The following MYCBP2 variants were observed in gnomAD, a reference collection of about 807,000 sequenced individuals.
The protein encoded by MYCBP2 is E3 ubiquitin-protein ligase MYCBP2.
Under a neutral mutation model 525.3 loss-of-function variants are expected in MYCBP2, and 120 were observed. The ratio of observed to expected loss-of-function variants is 0.23; its 90% CI spans 0.20 to 0.27. The LOEUF is 0.27. Among genes scored for constraint, MYCBP2 ranks in the 10% least tolerant of loss-of-function variants. The probability of loss-of-function intolerance (pLI) is 1.00; values close to 1 mark genes in which losing one functional copy is unlikely to be tolerated. For missense variants in MYCBP2, 4,149 were observed against 5,657.1 expected (o/e 0.73, Z 8.55); for synonymous variants, 1,894 against 1,955.8 (o/e 0.97, Z 0.83).
At chr13:77,161,014 ACT>A (rs1249356368) in intron 44 of MYCBP2, among the ~76,000 whole-genome samples, 1 of 152,104 alleles carries the variant, frequency 6.6e-6, no homozygotes, top group Non-Finnish European at 1.5e-5. Flanking sequence ...CAGTTGAGAG[ACT>A]CTCAACTTTT....
rs1276867501 is a variant in MYCBP2, at chr13:77,211,234, C to G, written c.3349G>C (p.Asp1117His). The change falls in exon 23 of 83, where the codon GAC becomes CAC. Residue 1117 changes from aspartate to histidine, a missense_variant. Physicochemically the swap from Asp to His is moderately conservative, Grantham distance 81 (BLOSUM62 -1). Around this residue, in one of 21 missense-constraint regions of MYCBP2, gnomAD observed 620 missense variants for 795.5 expected, o/e 0.78. Transcript: ENST00000544440. The part of the protein sequence containing the change: ...KVDGSCKTFN[D>H]SEQEDLQGFG... ...CCTTGCAGATCCTCTTGTTCTGAGT[C>G]ATTAAAAGTTTTACAACTCCCATCC... 6.4e-7 allele frequency: 1 copy of G among 1,552,168 alleles called. No homozygotes were observed. Among genetic ancestry groups the G allele is most frequent in the South Asian group, 1.2e-5 (1 of 81,130 alleles).
At chr13:77,214,376 A>T (rs532789371) in intron 21 of MYCBP2, among the ~76,000 whole-genome samples, 1 of 152,262 alleles carries the variant, frequency 6.6e-6, no homozygotes, top group African/African-American at 2.4e-5. Context: ...ATTGGAAACC[A>T]CGTAAATATA....
At chr13:77,121,948 T>C (rs2050779067) in intron 54 of MYCBP2, among the ~76,000 whole-genome samples, 1 of 152,112 alleles carries the variant, frequency 6.6e-6, no homozygotes. Flanking sequence ...TTTCATTTGT[T>C]AACTGTTCTA....
In MYCBP2 at chr13:77,288,327, C is replaced by A; in HGVS notation, c.428G>T (p.Ser143Ile). The change falls in exon 3 of 83, where the codon AGC becomes ATC. Residue 143 changes from serine (S) to isoleucine (I), a missense_variant. Around this residue, in one of 21 missense-constraint regions of MYCBP2, gnomAD observed 413 missense variants for 451.2 expected, o/e 0.92. Coordinates refer to ENST00000544440, the MANE Select transcript of MYCBP2 (RefSeq NM_015057.5). ...TVIIPDIKLHSNPSAFNIYCN... is the reference protein window; with the variant it reads ...TVIIPDIKLHINPSAFNIYCN... ...GTAAATATTGAAAGCAGAAGGATTG[C>A]TATGTAGTTTGATATCTGGTATGAT... 6.2e-7 allele frequency: 1 copy of A among 1,614,072 alleles called. No homozygotes were observed. The highest frequency in any genetic ancestry group is 8.5e-7 in the Non-Finnish European group (1 of 1,179,968).
In MYCBP2 at chr13:77,066,184, G is replaced by T. The variant is rs147575241; in HGVS notation, c.12456-96C>A. ...TGTTATTTCAGAATGCAGCATTTTA[G>T]ATTTTTAAGTGACTGAATCAATTAA... On this transcript the variant is annotated intron_variant, in intron 71 of 82. Transcript: ENST00000544440. 1,783 of 837,016 alleles carry T rather than the reference G, an allele frequency of 2.1e-3. 6 individuals carry two copies. The highest frequency in any genetic ancestry group is 0.012 in the Middle Eastern group (42 of 3,512). The allele number at this position is 837,016 out of a possible 1,614,324, so 51.8% of individuals were successfully genotyped here.
chr13:77,313,714 C>T (rs2080552627), intron 1 of MYCBP2, among the ~76,000 whole-genome samples: 1 of 152,042 alleles, frequency 6.6e-6, no homozygotes, highest in Non-Finnish European at 1.5e-5. Flanking sequence ...AAAGACACAT[C>T]TGATAAAGGA....
intron 68 of MYCBP2, among the ~76,000 whole-genome samples, chr13:77,074,330 G>A (rs1035553196): frequency 3.9e-5 from 6 of 151,988 alleles, no homozygotes; most frequent in African/African-American, 1.2e-4. Context: ...AATGTATACA[G>A]TTCTAAAGAA....
rs182982988 is a variant in MYCBP2, at chr13:77,225,105, C to T, written c.2857+330G>A. On this transcript the variant is annotated intron_variant, in intron 19 of 82. Coordinates refer to ENST00000544440, the MANE Select transcript of MYCBP2 (RefSeq NM_015057.5). ...ACATACATTTATCACTGAACATTAACAAAATATGGGAACATGTTACAAAAA... is the reference window on the plus strand; with the variant it reads ...ACATACATTTATCACTGAACATTAATAAAATATGGGAACATGTTACAAAAA... 1.6e-3 allele frequency among the ~76,000 whole-genome samples: 236 copies of T among 152,160 alleles called. 1 individual carries two copies. Among genetic ancestry groups the T allele is most frequent in the African/African-American group, 5.5e-3 (227 of 41,530 alleles).
intron 46 of MYCBP2, among the ~76,000 whole-genome samples, chr13:77,155,514 C>T (rs1397575747): frequency 1.3e-5 from 2 of 152,032 alleles, no homozygotes; most frequent in Non-Finnish European, 2.9e-5. Context: ...GTATAATATG[C>T]TCTGAAACAT....
At chr13:77,125,196 C>T (rs959583893) in intron 54 of MYCBP2, 140 bp downstream of exon 54, 20 of 1,049,062 alleles carry the variant, frequency 1.9e-5, no homozygotes, top group Non-Finnish European at 2.7e-5. Flanking sequence ...TTAACAGTTG[C>T]AAGATTTTTT....
rs547891211 is a variant in MYCBP2 at position 77,214,387 on chromosome 13, T to C, written c.3058-2227A>G. On this transcript the variant is annotated intron_variant, in intron 21 of 82. Transcript: ENST00000544440. The stretch of plus-strand genomic sequence containing the variant: ...AAGTATTGGAAACCACGTAAATATA[T>C]AAACATGAGAAACTGAATGAATAAA... 1.6e-4 allele frequency among the ~76,000 whole-genome samples: 24 copies of C among 151,950 alleles called. 1 individual carries two copies. The South Asian group carries it at 2.7e-3, about 17-fold the overall frequency.
intron 15 of MYCBP2, among the ~76,000 whole-genome samples, chr13:77,250,212 G>A (rs1168054640): frequency 7.8e-6 from 1 of 128,144 alleles, no homozygotes; most frequent in Non-Finnish European, 1.7e-5. Flanking sequence ...GACAGAGCGA[G>A]ACTCCGTCTC....
intron 74 of MYCBP2, 127 bp downstream of exon 74, chr13:77,062,469 C>T: frequency 1.3e-6 from 1 of 777,048 alleles, no homozygotes; most frequent in East Asian, 2.7e-5. Context: ...CGAAGGGACA[C>T]AATCTTTCAA....
Position 77,089,881 on chromosome 13 carries a change from C to T in MYCBP2, c.10525+225G>A, listed in dbSNP as rs76352716. 2.2e-3 allele frequency among the ~76,000 whole-genome samples: 330 copies of T among 152,014 alleles called. 2 individuals carry two copies. The highest frequency in any genetic ancestry group is 5.6e-3 in the African/African-American group (231 of 41,484). ...AAGATTGTAAAGGTCAATTTATTCT[C>T]GAACAATCACTGAATGATCTCCAGA... is the stretch of plus-strand genomic sequence containing the variant. On this transcript the variant is annotated intron_variant, in intron 60 of 82. Transcript: ENST00000544440.
intron 55 of MYCBP2, among the ~76,000 whole-genome samples, chr13:77,107,762 A>G (rs1043299768): frequency 3.3e-5 from 5 of 152,020 alleles, no homozygotes; most frequent in Non-Finnish European, 7.4e-5. Context: ...ACATAAAATT[A>G]AAAAAATAAA....
chr13:77,179,582 A>T (rs1261459544), intron 34 of MYCBP2, among the ~76,000 whole-genome samples: 2 of 152,276 alleles, frequency 1.3e-5, no homozygotes, highest in African/African-American at 4.8e-5. Context: ...ATTTAATGCC[A>T]CTGAACTGTA....
At chr13:77,278,175 T>C (rs2075829927) in intron 4 of MYCBP2, among the ~76,000 whole-genome samples, 1 of 152,244 alleles carries the variant, frequency 6.6e-6, no homozygotes, top group South Asian at 2.1e-4. Flanking sequence ...TTTGGCTTTG[T>C]GGCATTTATT....
chr13:77,305,163 T>C (rs2154371940), intron 1 of MYCBP2, among the ~76,000 whole-genome samples: 1 of 152,178 alleles, frequency 6.6e-6, no homozygotes, highest in East Asian at 1.9e-4. Flanking sequence ...TCCCAACTCA[T>C]AAGACAAGCA....
Position 77,262,089 on chromosome 13 carries a change from T to C in MYCBP2, c.1611A>G (p.Gly537=), listed in dbSNP as rs984359196. The change falls in exon 11 of 83, where the codon GGA becomes GGG. Residue 537 remains glycine, a synonymous_variant. Coordinates refer to ENST00000544440, the MANE Select transcript of MYCBP2 (RefSeq NM_015057.5). ...FDEESAILGA[G]REFALMKTAN... is the part of the protein sequence containing the mutation. ...CTGTTTTCATTAGCGCAAACTCTCGTCCTGCACCAAGAATTGCTGACTCCT... is the reference window on the plus strand; with the variant it reads ...CTGTTTTCATTAGCGCAAACTCTCGCCCTGCACCAAGAATTGCTGACTCCT... 13 of 1,611,810 alleles carry C rather than the reference T, an allele frequency of 8.1e-6. No homozygotes were observed. The African/African-American group carries it at 1.7e-4, about 22-fold the overall frequency.
Sources: allele counts gnomAD v4.1 joint callset (sites outside exome capture counted in the v4.1 genomes callset), GRCh38; gene constraint gnomAD v4.1.1; regional missense constraint gnomAD v4.1.1; transcripts MANE v1.5; gene names NCBI Gene and HGNC (gene_info 2026-07-23, HGNC 2026-07-21).